The following TMEM132B variants were observed in gnomAD, a reference collection of about 807,000 sequenced individuals.
The protein encoded by TMEM132B is transmembrane protein 132B.
Under a neutral mutation model 90.8 loss-of-function variants are expected in TMEM132B, and 18 were observed. That is an observed-to-expected ratio of 0.20 (90% CI 0.14 to 0.29). The LOEUF (loss-of-function observed/expected upper bound fraction) is 0.29. TMEM132B is among the 10% of genes least tolerant of loss of function. The probability of loss-of-function intolerance (pLI) is 1.00; values close to 1 mark genes in which losing one functional copy is unlikely to be tolerated. For synonymous variants in TMEM132B, 504 were observed against 523.3 expected, an observed-to-expected ratio of 0.96 and a Z score of 0.50; for missense variants, 1,096 against 1,326.8, an observed-to-expected ratio of 0.83 and a Z score of 2.70.
chr12:125,269,666 C>T (rs920687494), intron 1 of TMEM132B, among the ~76,000 whole-genome samples: 6 of 152,160 alleles, frequency 3.9e-5, no homozygotes, highest in Admixed American at 6.5e-5. Flanking sequence ...GGATCCAGCA[C>T]GGAGCATGAC....
chr12:125,416,127 G>A (rs1381292583), intron 3 of TMEM132B, among the ~76,000 whole-genome samples: 2 of 152,158 alleles, frequency 1.3e-5, no homozygotes, highest in African/African-American at 4.8e-5. Flanking sequence ...AAGGCGGCCT[G>A]TCTTCTCTCG....
At chr12:125,506,547 A>T (rs1400899824) in intron 3 of TMEM132B, among the ~76,000 whole-genome samples, 1 of 152,184 alleles carries the variant, frequency 6.6e-6, no homozygotes, top group Non-Finnish European at 1.5e-5. Flanking sequence ...AAATTTTATA[A>T]TGGAGTTAAA....
intron 1 of TMEM132B, among the ~76,000 whole-genome samples, chr12:125,313,597 C>G (rs1438592706): frequency 1.3e-5 from 1 of 79,032 alleles, no homozygotes; most frequent in African/African-American, 5.1e-5. Flanking sequence ...CCCTTTTGCC[C>G]TCCCCTCCCC....
chr12:125,201,988 T>C (rs1873074376), intron 1 of TMEM132B, among the ~76,000 whole-genome samples: 1 of 152,222 alleles, frequency 6.6e-6, no homozygotes, highest in Non-Finnish European at 1.5e-5. Flanking sequence ...ACCCTCATTT[T>C]CTTTTGGGGG....
intron 1 of TMEM132B, among the ~76,000 whole-genome samples, chr12:125,285,516 T>A (rs1875325594): frequency 6.6e-6 from 1 of 152,180 alleles, no homozygotes; most frequent in Non-Finnish European, 1.5e-5. Flanking sequence ...AGCGCTGGAC[T>A]GAGCCAGTGA....
At chr12:125,190,552 GGTGATA>G (rs1396627188) in intron 1 of TMEM132B, among the ~76,000 whole-genome samples, 2 of 128,776 alleles carry the variant, frequency 1.6e-5, no homozygotes, top group Non-Finnish European at 3.3e-5. Context: ...TGATGGTGAT[GGTGATA>G]GTGATGGTGA....
At chr12:125,268,888 A>G (rs1224235387) in intron 1 of TMEM132B, among the ~76,000 whole-genome samples, 1 of 152,190 alleles carries the variant, frequency 6.6e-6, no homozygotes, top group Non-Finnish European at 1.5e-5. Flanking sequence ...TAGAATCAGC[A>G]TCCCTGTTTG....
At chr12:125,436,602 G>T (rs1880713009) in intron 3 of TMEM132B, among the ~76,000 whole-genome samples, 1 of 152,184 alleles carries the variant, frequency 6.6e-6, no homozygotes, top group Admixed American at 6.5e-5. Context: ...GCAACCACCA[G>T]AAGCAAAGGG....
intron 3 of TMEM132B, among the ~76,000 whole-genome samples, chr12:125,424,098 A>G (rs71460708): frequency 0.13 from 19,439 of 152,138 alleles, 1,300 homozygotes; most frequent in African/African-American, 0.14. Flanking sequence ...TTCATTCCCC[A>G]TATTTCATTT....
Position 125,445,043 on chromosome 12 carries a change from G to GA in TMEM132B, c.1106+29368dup, listed in dbSNP as rs1282202366. ...TGAAACACTGCTCCAAGAAGTATAT[G>GA]AACTGCTCAACTCATCTCATCCTCA... is the stretch of plus-strand genomic sequence containing the variant. On this transcript the variant is annotated intron_variant, in intron 3 of 8. Transcript: ENST00000682704. This position sits in a 1 kb window ranked among gnomAD's most constrained non-coding sequence, Gnocchi z 4.3. 6.6e-6 allele frequency among the ~76,000 whole-genome samples: 1 copy of GA among 152,104 alleles called. No individual in the cohort carries two copies. Among genetic ancestry groups the GA allele is most frequent in the Non-Finnish European group, 1.5e-5 (1 of 68,030 alleles).
At chr12:125,475,618 TC>T in intron 3 of TMEM132B, among the ~76,000 whole-genome samples, 1 of 152,342 alleles carries the variant, frequency 6.6e-6, no homozygotes, top group Non-Finnish European at 1.5e-5. Context: ...GCTGGATGTT[TC>T]CTGCCCTTGA....
chr12:125,591,462 C>T (rs909796965), intron 5 of TMEM132B, among the ~76,000 whole-genome samples: 7 of 152,168 alleles, frequency 4.6e-5, no homozygotes, highest in Non-Finnish European at 1.0e-4. Context: ...TGCTGCCTCC[C>T]TCTTACAAGG....
chr12:125,434,362 G>A lies in TMEM132B; in HGVS notation c.1106+18685G>A, dbSNP rs1183008317. 3.3e-5 allele frequency among the ~76,000 whole-genome samples: 5 copies of A among 152,208 alleles called. No homozygotes were observed. In the East Asian group the frequency reaches 5.8e-4, roughly 18 times the overall value. ...AGTCCCTTTGACCATGTAGGGCACC[G>A]TGTTCACAGGTTCTGGGGATTAGGA... On this transcript the variant is annotated intron_variant, in intron 3 of 8. Coordinates refer to ENST00000682704, the MANE Select transcript of TMEM132B (RefSeq NM_001366854.1).
chr12:125,545,368 C>A (rs557579277), intron 4 of TMEM132B, among the ~76,000 whole-genome samples: 238 of 152,294 alleles, frequency 1.6e-3, no homozygotes, highest in Non-Finnish European at 2.6e-3. Context: ...AGGATACATC[C>A]TTAGAATAGG....
At chr12:125,352,367 C>G (rs761206626) in intron 2 of TMEM132B, among the ~76,000 whole-genome samples, 3 of 152,220 alleles carry the variant, frequency 2.0e-5, no homozygotes, top group Non-Finnish European at 4.4e-5. Flanking sequence ...TTTAGGATCG[C>G]TAAAAGTAGG....
At chr12:125,255,078 G>A (rs1183678604) in intron 1 of TMEM132B, among the ~76,000 whole-genome samples, 1 of 152,152 alleles carries the variant, frequency 6.6e-6, no homozygotes, top group African/African-American at 2.4e-5. Flanking sequence ...GGAAATGCGG[G>A]GAGCAGCTGA....
chr12:125,593,254 G>T (rs967686575), intron 5 of TMEM132B, among the ~76,000 whole-genome samples: 3 of 152,200 alleles, frequency 2.0e-5, no homozygotes, highest in Admixed American at 6.5e-5. Context: ...GCCTGGGATA[G>T]ATATTGCTGC....
At chr12:125,619,545 A>G (rs1230663820) in intron 5 of TMEM132B, among the ~76,000 whole-genome samples, 3 of 152,000 alleles carry the variant, frequency 2.0e-5, no homozygotes, top group African/African-American at 4.8e-5. Flanking sequence ...TTATACTTTC[A>G]GTAGAGACAG....
chr12:125,319,506 T>G (rs1593082801), intron 1 of TMEM132B, among the ~76,000 whole-genome samples: 1 of 152,218 alleles, frequency 6.6e-6, no homozygotes, highest in African/African-American at 2.4e-5. Context: ...CTGCCCTTCA[T>G]GTGGCTGCAG....
Sources: gnomAD v4.1 joint callset for allele counts (sites outside exome capture counted in the v4.1 genomes callset) on GRCh38, gnomAD v4.1.1 for gene constraint, Gnocchi (gnomAD v3.1) non-coding constraint, MANE v1.5 for transcripts, NCBI Gene and HGNC (gene_info 2026-07-23, HGNC 2026-07-21) for gene names.